Variants in OR2C1 observed in about 807,000 individuals in gnomAD.
The protein encoded by OR2C1 is olfactory receptor 2C1.
For missense variants in OR2C1, 468 were observed against 388.3 expected (o/e 1.21, Z -1.73); for synonymous variants, 209 against 167.3 (o/e 1.25, Z -1.92).
chr16:3,350,094 C>T, the OR2C1 span, among the ~76,000 whole-genome samples: 1 of 109,812 alleles, frequency 9.1e-6, no homozygotes, highest in Non-Finnish European at 1.7e-5. Flanking sequence ...GTCTCTCTGT[C>T]GCCCAGGCTA....
the OR2C1 span, among the ~76,000 whole-genome samples, chr16:3,337,647 T>C: frequency 6.6e-6 from 1 of 152,214 alleles, no homozygotes; most frequent in Non-Finnish European, 1.5e-5. Flanking sequence ...TTTTGAATTG[T>C]TTTCCTGTAT....
downstream of OR2C1, among the ~76,000 whole-genome samples, chr16:3,357,867 G>C (rs1444887288): frequency 1.3e-5 from 2 of 152,078 alleles, no homozygotes; most frequent in Non-Finnish European, 2.9e-5. Flanking sequence ...TGTAATCCCA[G>C]CTACTCGGGA....
the OR2C1 span, among the ~76,000 whole-genome samples, chr16:3,339,624 T>C: frequency 6.6e-6 from 1 of 152,026 alleles, no homozygotes; most frequent in Non-Finnish European, 1.5e-5. Context: ...GCCCGGCTAA[T>C]TTTTTGTATT....
At chr16:3,337,150 C>T in the OR2C1 span, among the ~76,000 whole-genome samples, 6 of 110,570 alleles carry the variant, frequency 5.4e-5, no homozygotes, top group Admixed American at 3.9e-4. Context: ...CCATTGTGTC[C>T]GGCCTTTTTT....
upstream of OR2C1, among the ~76,000 whole-genome samples, chr16:3,355,025 A>C (rs2030637834): frequency 1.3e-5 from 2 of 152,152 alleles, no homozygotes; most frequent in Admixed American, 1.3e-4. Context: ...TCTGAACTGA[A>C]GGGCTCTTCA....
chr16:3,344,422 T>C, the OR2C1 span, among the ~76,000 whole-genome samples: 2 of 152,042 alleles, frequency 1.3e-5, no homozygotes, highest in South Asian at 2.1e-4. Context: ...GCTCATCAGA[T>C]TGGCATACAT....
At chr16:3,351,963 C>T (rs115920111), upstream of OR2C1, among the ~76,000 whole-genome samples, 871 of 150,936 alleles carry the variant, frequency 5.8e-3, 12 homozygotes, top group African/African-American at 0.02. Context: ...GCCCATGGTC[C>T]ATTCAGCCAG....
upstream of OR2C1, among the ~76,000 whole-genome samples, chr16:3,353,180 C>T (rs1048588412): frequency 1.5e-5 from 2 of 136,830 alleles, no homozygotes; most frequent in African/African-American, 2.9e-5. Context: ...TTCCTCAGCT[C>T]TCTTAAGTCC....
upstream of OR2C1, among the ~76,000 whole-genome samples, chr16:3,352,406 T>C (rs1439729205): frequency 1.3e-5 from 2 of 152,112 alleles, no homozygotes; most frequent in African/African-American, 4.8e-5. Flanking sequence ...CGAGCCACCA[T>C]GCCTGGCCAA....
At chr16:3,344,506 T>A in the OR2C1 span, among the ~76,000 whole-genome samples, 8 of 152,082 alleles carry the variant, frequency 5.3e-5, no homozygotes, top group Non-Finnish European at 1.2e-4. Flanking sequence ...GGCGGGTGGA[T>A]CACGAGGTCA....
At chr16:3,344,431 A>C in the OR2C1 span, among the ~76,000 whole-genome samples, 15 of 152,134 alleles carry the variant, frequency 9.9e-5, no homozygotes, top group African/African-American at 3.6e-4. Flanking sequence ...ATTGGCATAC[A>C]TTAGAAAATT....
At chr16:3,331,363 T>C in the OR2C1 span, among the ~76,000 whole-genome samples, 1 of 151,560 alleles carries the variant, frequency 6.6e-6, no homozygotes, top group South Asian at 2.1e-4. Context: ...TGGTAGTTTC[T>C]TTTGCTGTGC....
At chr16:3,330,318 G>T in the OR2C1 span, among the ~76,000 whole-genome samples, 1 of 150,620 alleles carries the variant, frequency 6.6e-6, no homozygotes, top group Non-Finnish European at 1.5e-5. Context: ...GGGTTTCATC[G>T]TGTTATCCAG....
the OR2C1 span, among the ~76,000 whole-genome samples, chr16:3,336,816 C>G: frequency 6.9e-6 from 1 of 145,620 alleles, no homozygotes. Context: ...TCAAGCGATT[C>G]TTCTTCTTCA....
chr16:3,331,979 A>G, the OR2C1 span, among the ~76,000 whole-genome samples: 2 of 151,628 alleles, frequency 1.3e-5, no homozygotes, highest in East Asian at 3.9e-4. Flanking sequence ...CATAAGAACA[A>G]AAAACCAAAC....
chr16:3,350,761 T>C, the OR2C1 span, among the ~76,000 whole-genome samples: 2 of 151,846 alleles, frequency 1.3e-5, no homozygotes, highest in Non-Finnish European at 2.9e-5. Context: ...ACAAAAGTCA[T>C]CTCTGGAATG....
upstream of OR2C1, among the ~76,000 whole-genome samples, chr16:3,355,097 T>C (rs1476597323): frequency 2.6e-5 from 4 of 152,138 alleles, no homozygotes; most frequent in African/African-American, 9.7e-5. Context: ...TGTTAGCTCA[T>C]ACCTGACATT....
At chr16:3,337,747 C>T in the OR2C1 span, among the ~76,000 whole-genome samples, 1 of 152,076 alleles carries the variant, frequency 6.6e-6, no homozygotes, top group African/African-American at 2.4e-5. Context: ...AGGGACGGTC[C>T]TGGTCCCATC....
chr16:3,332,814 T>C, the OR2C1 span, among the ~76,000 whole-genome samples: 1 of 152,096 alleles, frequency 6.6e-6, no homozygotes, highest in Non-Finnish European at 1.5e-5. Flanking sequence ...ATTATGGCTT[T>C]TATGAATAGT....
Sources: allele counts gnomAD v4.1 joint callset (sites outside exome capture counted in the v4.1 genomes callset), GRCh38; gene constraint gnomAD v4.1.1; transcripts MANE v1.5; gene names NCBI Gene and HGNC (gene_info 2026-07-23, HGNC 2026-07-21).